Variants in SLC14A2 observed in about 807,000 individuals in gnomAD.
SLC14A2 encodes urea transporter 2.
SLC14A2 carries 91 observed loss-of-function variants against 104.6 expected under a neutral mutation model. That is an observed-to-expected ratio of 0.87 (90% confidence interval 0.73 to 1.04). The LOEUF (loss-of-function observed/expected upper bound fraction) is 1.04. Among genes scored for constraint, SLC14A2 ranks in the 50% least tolerant of loss-of-function variants. The probability of loss-of-function intolerance (pLI) is 0.00; values close to 1 mark genes in which losing one functional copy is unlikely to be tolerated. For synonymous variants in SLC14A2, 476 were observed against 466.4 expected, an observed-to-expected ratio of 1.02 and a Z score of -0.27; for missense variants, 1,189 against 1,156.0, an observed-to-expected ratio of 1.03 and a Z score of -0.41.
chr18:45,355,371 C>A lies in SLC14A2; in HGVS notation c.-124-127862C>A, dbSNP rs532387248. Among the ~76,000 whole-genome samples the A allele has an allele frequency of 8.2e-4, 124 of 151,866 alleles. No individual in the cohort carries two copies. In the Middle Eastern group the frequency reaches 0.024, roughly 30 times the overall value. On this transcript the variant is annotated intron_variant, in intron 1 of 20. Transcript: ENST00000586448. ...TGGGTGGATCACGAGGGCAGGAGTT[C>A]GAGACCAGCCTGACCAATACGGTGA...
chr18:45,608,177 A>G, intron 2 of SLC14A2, among the ~76,000 whole-genome samples: 1 of 152,236 alleles, frequency 6.6e-6, no homozygotes, highest in Admixed American at 6.5e-5. Context: ...CTGGTACAGG[A>G]TGTGCTACAG....
rs558528332 is a variant in SLC14A2, at chr18:45,378,759, A to G, written c.-124-104474A>G. 1.5e-4 allele frequency among the ~76,000 whole-genome samples: 22 copies of G among 151,624 alleles called. 1 individual carries two copies. The highest frequency in any genetic ancestry group is 2.5e-4 in the Non-Finnish European group (17 of 68,016). On this transcript the variant is annotated intron_variant, in intron 1 of 20. Coordinates refer to the SLC14A2 transcript ENST00000586448. ...TGCTCAATGCATTTTGTTTCTGATC[A>G]TTGCTGTTGTTGTTGTTGTTGTTGT...
intron 1 of SLC14A2, among the ~76,000 whole-genome samples, chr18:45,347,086 T>C (rs2085457093): frequency 6.6e-6 from 1 of 152,218 alleles, no homozygotes; most frequent in South Asian, 2.1e-4. Context: ...CCCTGCGTGG[T>C]GGCTCATGCC....
intron 2 of SLC14A2, among the ~76,000 whole-genome samples, chr18:45,505,620 A>T (rs981463418): frequency 6.6e-6 from 1 of 152,148 alleles, no homozygotes; most frequent in Non-Finnish European, 1.5e-5. Context: ...GGCATCTGGG[A>T]CATGGTATAA....
At chr18:45,539,984 G>A (rs1003281059) in intron 2 of SLC14A2, among the ~76,000 whole-genome samples, 6 of 152,080 alleles carry the variant, frequency 3.9e-5, no homozygotes, top group Non-Finnish European at 5.9e-5. Flanking sequence ...CAAAAATACG[G>A]GGTGCTGAGC....
At chr18:45,188,319 T>G in the SLC14A2 span, among the ~76,000 whole-genome samples, 1 of 152,186 alleles carries the variant, frequency 6.6e-6, no homozygotes. Context: ...TATAGAATCT[T>G]TGGACACCTC....
chr18:45,427,334 C>T (rs751568445), intron 1 of SLC14A2, among the ~76,000 whole-genome samples: 2 of 152,108 alleles, frequency 1.3e-5, no homozygotes, highest in Non-Finnish European at 2.9e-5. Context: ...CCCAAGGCCT[C>T]CCCACCTGGT....
At chr18:45,413,417 T>C (rs1345003164) in intron 1 of SLC14A2, among the ~76,000 whole-genome samples, 1 of 152,160 alleles carries the variant, frequency 6.6e-6, no homozygotes, top group African/African-American at 2.4e-5. Flanking sequence ...CCAATGAAGG[T>C]GGTTCCATCA....
At chr18:45,423,295 G>A (rs773948574) in intron 1 of SLC14A2, among the ~76,000 whole-genome samples, 2 of 152,186 alleles carry the variant, frequency 1.3e-5, no homozygotes, top group African/African-American at 4.8e-5. Flanking sequence ...CTTCTGAAAG[G>A]TGGTTATATG....
intron 1 of SLC14A2, among the ~76,000 whole-genome samples, chr18:45,234,918 T>C (rs2084210259): frequency 1.3e-5 from 2 of 152,186 alleles, no homozygotes; most frequent in African/African-American, 4.8e-5. Context: ...GTGAGACAGA[T>C]GAAGCAGGTG....
intron 1 of SLC14A2, among the ~76,000 whole-genome samples, chr18:45,279,388 CA>C (rs1189310641): frequency 6.6e-6 from 1 of 152,180 alleles, no homozygotes; most frequent in Admixed American, 6.5e-5. Flanking sequence ...TGAGGGCTTG[CA>C]GTAAAAAGGG....
chr18:45,432,600 C>G (rs2086534247), intron 1 of SLC14A2, among the ~76,000 whole-genome samples: 1 of 152,168 alleles, frequency 6.6e-6, no homozygotes, highest in Non-Finnish European at 1.5e-5. Context: ...TGCAATTTCT[C>G]TGCAGCAGCC....
chr18:45,586,257 C>T (rs1035561488), intron 2 of SLC14A2, among the ~76,000 whole-genome samples: 1 of 152,086 alleles, frequency 6.6e-6, no homozygotes, highest in African/African-American at 2.4e-5. Flanking sequence ...AGTGAGGGGG[C>T]AAGTCCCACA....
chr18:45,490,747 G>A (rs1486860138), intron 2 of SLC14A2, among the ~76,000 whole-genome samples: 1 of 152,142 alleles, frequency 6.6e-6, no homozygotes. Flanking sequence ...TGTGTATATG[G>A]GATAGGGAGT....
At chr18:45,477,758 C>A (rs550284254) in intron 1 of SLC14A2, among the ~76,000 whole-genome samples, 1 of 152,020 alleles carries the variant, frequency 6.6e-6, no homozygotes, top group South Asian at 2.1e-4. Flanking sequence ...TGAGTCCAAA[C>A]TTCCTGGTGG....
chr18:45,574,482 C>T (rs190999443), intron 2 of SLC14A2, among the ~76,000 whole-genome samples: 1 of 152,264 alleles, frequency 6.6e-6, no homozygotes, highest in Non-Finnish European at 1.5e-5. Context: ...CCTACAAAAA[C>T]CGTCCCACCC....
intron 1 of SLC14A2, among the ~76,000 whole-genome samples, chr18:45,226,028 TC>T (rs2084112494): frequency 1.3e-5 from 2 of 152,162 alleles, no homozygotes; most frequent in Admixed American, 1.3e-4. Flanking sequence ...CAGACACTTC[TC>T]AAAAGAAGAC....
intron 10 of SLC14A2, among the ~76,000 whole-genome samples, chr18:45,644,602 C>T (rs1684296386): frequency 1.3e-5 from 2 of 152,092 alleles, no homozygotes; most frequent in Admixed American, 1.3e-4. Flanking sequence ...AGGGAAGGCT[C>T]TCTAGTGGCT....
At chr18:45,357,799 GA>G (rs2085570613) in intron 1 of SLC14A2, among the ~76,000 whole-genome samples, 1 of 152,070 alleles carries the variant, frequency 6.6e-6, no homozygotes, top group Admixed American at 6.5e-5. Flanking sequence ...AAGAAAGGCT[GA>G]AAAAAGGCTC....
Sources: allele counts gnomAD v4.1 joint callset (sites outside exome capture counted in the v4.1 genomes callset), GRCh38; gene constraint gnomAD v4.1.1; transcripts MANE v1.5; gene names NCBI Gene and HGNC (gene_info 2026-07-23, HGNC 2026-07-21).